DERL1: variants seen among roughly 807,000 people sequenced by gnomAD.
DERL1 encodes derlin 1, also known as derlin-1.
Under a neutral mutation model 41.6 loss-of-function variants are expected in DERL1, and 24 were observed. That is an observed-to-expected ratio of 0.58 (90% CI 0.42 to 0.81). DERL1 has a LOEUF of 0.81. Among genes scored for constraint, DERL1 ranks in the 30% least tolerant of loss-of-function variants. The pLI is 0.00. For missense variants in DERL1, 260 were observed against 314.3 expected, an observed-to-expected ratio of 0.83 and a Z score of 1.31; for synonymous variants, 124 against 112.5, an observed-to-expected ratio of 1.10 and a Z score of -0.65.
chr8:123,039,973 T>C (rs943760312), intron 1 of DERL1, among the ~76,000 whole-genome samples: 15 of 152,164 alleles, frequency 9.9e-5, no homozygotes, highest in African/African-American at 3.4e-4. Flanking sequence ...ATCCCAGCAC[T>C]TTGGGAGGCT....
chr8:123,034,260 A>G (rs557096984), intron 1 of DERL1, among the ~76,000 whole-genome samples: 3 of 152,350 alleles, frequency 2.0e-5, no homozygotes, highest in African/African-American at 7.2e-5. Context: ...CAATGTGCAT[A>G]CCAAAAAAGT....
intron 4 of DERL1, among the ~76,000 whole-genome samples, chr8:123,023,070 T>G (rs551546442): frequency 6.6e-6 from 1 of 152,286 alleles, no homozygotes; most frequent in East Asian, 1.9e-4. Context: ...TAATCTCAAT[T>G]TTTAAAAAAC....
intron 1 of DERL1, among the ~76,000 whole-genome samples, chr8:123,033,823 T>C (rs1462660787): frequency 1.3e-5 from 2 of 152,226 alleles, no homozygotes; most frequent in African/African-American, 4.8e-5. Flanking sequence ...TCTTATTTCA[T>C]TCTTGTCTAA....
chr8:123,020,870 G>A lies in DERL1; in HGVS notation c.506+577C>T, dbSNP rs577598619. Reference sequence around the variant, plus strand: ...AATCCCAGCTACTCGGGAGGCTGAGGTAGGAGAATTGCTTGAACCCATGAG... The same window carrying A: ...AATCCCAGCTACTCGGGAGGCTGAGATAGGAGAATTGCTTGAACCCATGAG... On this transcript the variant is annotated intron_variant, in intron 6 of 7. Transcript: ENST00000259512. Among the ~76,000 whole-genome samples the A allele has an allele frequency of 3.3e-5, 5 of 151,102 alleles. No homozygotes were observed. In the East Asian group the frequency reaches 9.7e-4, roughly 29 times the overall value.
intron 7 of DERL1, chr8:123,016,251 T>C (rs1466768372): frequency 6.6e-6 from 1 of 152,148 alleles, no homozygotes; most frequent in Non-Finnish European, 1.5e-5. Context: ...TAAGAGAACT[T>C]AAACCCAAGC....
intron 1 of DERL1, among the ~76,000 whole-genome samples, chr8:123,036,980 A>C (rs1387351587): frequency 6.6e-6 from 1 of 152,228 alleles, no homozygotes; most frequent in African/African-American, 2.4e-5. Flanking sequence ...AGAAATCAAG[A>C]GTTCACATCT....
chr8:123,024,371 T>C (rs371074060), intron 3 of DERL1, among the ~76,000 whole-genome samples: 1 of 152,192 alleles, frequency 6.6e-6, no homozygotes, highest in South Asian at 2.1e-4. Context: ...CAAGTTTAAA[T>C]GGCAGCTGAG....
Position 123,034,206 on chromosome 8 carries a change from C to T in DERL1, c.154-3490G>A, listed in dbSNP as rs144699548. ...ACTGGCCAGTTCCATTCTCCAAGTA[C>T]AGGAATGTAACCCTCAGAGCTTAAT... On this transcript the variant is annotated intron_variant, in intron 1 of 7. Coordinates refer to ENST00000259512, the MANE Select transcript of DERL1 (RefSeq NM_024295.6). Among the ~76,000 whole-genome samples the T allele has an allele frequency of 3.0e-3, 454 of 152,332 alleles. 6 individuals carry two copies. In the East Asian group the frequency reaches 0.04, roughly 13 times the overall value.
At chr8:123,019,576 A>C (rs1379578675) in intron 6 of DERL1, among the ~76,000 whole-genome samples, 1 of 152,108 alleles carries the variant, frequency 6.6e-6, no homozygotes, top group Non-Finnish European at 1.5e-5. Flanking sequence ...TCCTCAAAAT[A>C]TTGTTTTTGC....
chr8:123,042,076 C>T lies in DERL1; in HGVS notation c.47G>A (p.Arg16His). ...GGCGACGGTGGCGGCGAACCAATAG[C>T]GCGTGATCGCCGGGATGCTCCTGAA... ...DWFRSIPAIT[R>H]YWFAATVAVP... is the part of the protein sequence containing the mutation. The change falls in exon 1 of 8, where the codon CGC becomes CAC. Residue 16 changes from arginine (R) to histidine (H), a missense_variant. Arg to His is a conservative substitution (Grantham distance 29). Transcript: ENST00000259512. 1.2e-6 allele frequency: 2 copies of T among 1,613,798 alleles called. No homozygotes were observed. Among genetic ancestry groups the T allele is most frequent in the Non-Finnish European group, 1.7e-6 (2 of 1,179,876 alleles).
chr8:123,036,241 A>G (rs1812925356), intron 1 of DERL1, among the ~76,000 whole-genome samples: 1 of 152,218 alleles, frequency 6.6e-6, no homozygotes, highest in Admixed American at 6.5e-5. Context: ...ACTGCCCAAA[A>G]GGTCCATTAA....
chr8:123,014,120 TA>T lies in DERL1; in HGVS notation c.*1326del, dbSNP rs1252165148. The stretch of plus-strand genomic sequence containing the variant: ...AACAGTCTGCTTTCAGATAACGTCA[TA>T]AAATAAAATAACTGTGTGAAAAGCC... On this transcript the variant is annotated 3_prime_UTR_variant, in exon 8 of 8. Coordinates refer to ENST00000259512, the MANE Select transcript of DERL1 (RefSeq NM_024295.6). 1 of 152,326 alleles carries T rather than the reference TA, an allele frequency of 6.6e-6. No homozygotes were observed. Among genetic ancestry groups the T allele is most frequent in the African/African-American group, 2.4e-5 (1 of 41,446 alleles). The allele number at this position is 152,326 out of a possible 1,614,324, so 9.4% of individuals were successfully genotyped here. A position where few individuals can be genotyped will look rare whatever the true frequency, so the allele number is the denominator to read the frequency against.
intron 1 of DERL1, among the ~76,000 whole-genome samples, chr8:123,031,815 T>C (rs982207209): frequency 2.0e-5 from 3 of 152,228 alleles, no homozygotes; most frequent in Non-Finnish European, 4.4e-5. Flanking sequence ...ACTGTTACAA[T>C]GCCACAATGA....
At chr8:123,020,921 G>A (rs189300220) in intron 6 of DERL1, among the ~76,000 whole-genome samples, 274 of 147,616 alleles carry the variant, frequency 1.9e-3, no homozygotes, top group Non-Finnish European at 2.9e-3. Flanking sequence ...AGCCAAGATC[G>A]CACCATTGCA....
At chr8:123,032,883 A>G (rs1156837541) in intron 1 of DERL1, among the ~76,000 whole-genome samples, 7 of 94,464 alleles carry the variant, frequency 7.4e-5, no homozygotes, top group South Asian at 3.1e-4. Flanking sequence ...TTTTTTTTTG[A>G]GACAAGGTCT....
At chr8:123,030,554 G>A in intron 2 of DERL1, 51 bp downstream of exon 2, 2 of 1,307,126 alleles carry the variant, frequency 1.5e-6, no homozygotes, top group Non-Finnish European at 1.1e-6. Flanking sequence ...TAAACACATG[G>A]ATTAGTAAAT....
rs1814479725 is a variant in DERL1 at position 123,013,773 on chromosome 8, T to TG, written c.*1673dup. The stretch of plus-strand genomic sequence containing the variant: ...ACAATGAGTGTACGTGCAACATAAT[T>TG]GGAGTAATGGCCTCTAAAATTTTAC... On this transcript the variant is annotated 3_prime_UTR_variant, in exon 8 of 8. Coordinates refer to ENST00000259512, the MANE Select transcript of DERL1 (RefSeq NM_024295.6). The TG allele has an allele frequency of 6.6e-6, 1 of 152,144 alleles. No homozygotes were observed. The highest frequency in any genetic ancestry group is 1.9e-4 in the East Asian group (1 of 5,202). The allele number at this position is 152,144 out of a possible 1,614,324, so 9.4% of individuals were successfully genotyped here.
intron 1 of DERL1, among the ~76,000 whole-genome samples, chr8:123,036,843 A>G (rs1368741915): frequency 2.6e-5 from 4 of 152,162 alleles, no homozygotes; most frequent in African/African-American, 9.7e-5. Flanking sequence ...TACACCCTTA[A>G]ATCAGTCTCC....
At chr8:123,030,741 C>A (rs1410658934) in intron 1 of DERL1, 25 bp from the exon 2 acceptor site, 3 of 1,471,148 alleles carry the variant, frequency 2.0e-6, no homozygotes, top group Non-Finnish European at 2.8e-6. Flanking sequence ...ATAAACACAG[C>A]TGTTAGTTTC....
Sources: gnomAD v4.1 joint callset for allele counts (sites outside exome capture counted in the v4.1 genomes callset) on GRCh38, gnomAD v4.1.1 for gene constraint, MANE v1.5 for transcripts, NCBI Gene and HGNC (gene_info 2026-07-23, HGNC 2026-07-21) for gene names.